ASB2: variants seen among roughly 807,000 people sequenced by gnomAD.
ASB2 encodes ankyrin repeat and SOCS box protein 2.
A neutral mutation model predicts 62.4 loss-of-function variants in ASB2; 58 were observed. The ratio of observed to expected loss-of-function variants is 0.93; its 90% confidence interval spans 0.75 to 1.16. The LOEUF (loss-of-function observed/expected upper bound fraction) is 1.16, where lower values mean the gene tolerates loss of function less well. ASB2 is among the 50% of genes most tolerant of loss of function. ASB2 has a pLI of 0.00. For missense variants in ASB2, 928 were observed against 887.9 expected (o/e 1.05, Z -0.57); for synonymous variants, 386 against 385.3 (o/e 1.00, Z -0.02).
intron 2 of ASB2, among the ~76,000 whole-genome samples, chr14:93,963,019 A>G (rs913781370): frequency 1.5e-4 from 23 of 152,322 alleles, no homozygotes; most frequent in Admixed American, 1.2e-3. Context: ...CGGCTGCCCA[A>G]AGTAGCTGCC....
At chr14:93,953,640 A>G (rs963122865) in intron 4 of ASB2, 133 bp from the exon 5 acceptor site, 61 of 778,654 alleles carry the variant, frequency 7.8e-5, no homozygotes, top group Admixed American at 3.6e-4. Flanking sequence ...TACAGACTGC[A>G]TTCATCTGGC....
At chr14:93,947,759 TGAG>T (rs1261238619) in intron 6 of ASB2, among the ~76,000 whole-genome samples, 1 of 151,946 alleles carries the variant, frequency 6.6e-6, no homozygotes, top group African/African-American at 2.4e-5. Flanking sequence ...TTTGGGAGGC[TGAG>T]GCAGGCGGAT....
chr14:93,968,742 G>A (rs1889668376), intron 1 of ASB2, among the ~76,000 whole-genome samples: 1 of 152,210 alleles, frequency 6.6e-6, no homozygotes. Context: ...TGGACTACCT[G>A]CTAGAGGCCT....
intron 6 of ASB2, 142 bp from the exon 7 acceptor site, chr14:93,947,662 T>A: frequency 1.3e-6 from 1 of 794,932 alleles, no homozygotes; most frequent in South Asian, 1.7e-5. Context: ...GAAGGAGGAG[T>A]CTACCTGGGG....
At position 93,953,509 on chromosome 14, in the gene ASB2, T is replaced by G; in HGVS notation, c.479-2A>C. On this transcript the variant is annotated splice_acceptor_variant, in intron 4 of 9. Coordinates refer to ENST00000555019, the MANE Select transcript of ASB2 (RefSeq NM_001202429.2). LOFTEE classifies it high-confidence loss of function. The stretch of plus-strand genomic sequence containing the variant: ...GCTGGTCGATGGTCCCTGGGTACGC[T>G]AGGGAGGGCCCACCGGGAAATTCAT... 1 of 1,569,484 alleles carries G rather than the reference T, an allele frequency of 6.4e-7. No individual in the cohort carries two copies.
intron 1 of ASB2, among the ~76,000 whole-genome samples, chr14:93,973,135 G>A (rs1161176958): frequency 6.6e-6 from 1 of 152,166 alleles, no homozygotes; most frequent in African/African-American, 2.4e-5. Context: ...TGGAGTAGGG[G>A]TGTGACTGCC....
Position 93,953,430 on chromosome 14 carries a change from C to T in ASB2, c.556G>A (p.Asp186Asn), listed in dbSNP as rs1889049050. The change falls in exon 5 of 10, where the codon GAC becomes AAC. Residue 186 changes from aspartate to asparagine, a missense_variant. Asp to Asn is a conservative substitution (Grantham distance 23). Transcript: ENST00000555019. The stretch of plus-strand genomic sequence containing the variant: ...GCTTGGAGCAGTGACAGGAGACAGT[C>T]CAGGTGGCCCCTGCACGTTGCCAAG... ...VYLATCRGHL[D>N]CLLSLLQAGA... The T allele has an allele frequency of 6.2e-7, 1 of 1,609,616 alleles. No homozygotes were observed. Among genetic ancestry groups the T allele is most frequent in the South Asian group, 1.1e-5 (1 of 90,828 alleles).
At chr14:93,945,297 C>T (rs1888681503) in intron 7 of ASB2, among the ~76,000 whole-genome samples, 1 of 152,188 alleles carries the variant, frequency 6.6e-6, no homozygotes, top group African/African-American at 2.4e-5. Flanking sequence ...CCAACTCTGA[C>T]TGATGCCCGA....
intron 7 of ASB2, among the ~76,000 whole-genome samples, chr14:93,947,066 G>A (rs906330788): frequency 6.6e-6 from 1 of 152,232 alleles, no homozygotes; most frequent in Admixed American, 6.5e-5. Flanking sequence ...TCAGTGAGCT[G>A]TTAAGCAGAT....
At chr14:93,973,680 T>TGGCCCTGCCAGAGGCTG (rs1297732561) in intron 1 of ASB2, among the ~76,000 whole-genome samples, 8 of 152,250 alleles carry the variant, frequency 5.3e-5, no homozygotes, top group Non-Finnish European at 7.3e-5. Flanking sequence ...TGCTGCCTCC[T>TGGCCCTGCCAGAGGCTG]GGCCCTGCCA....
chr14:93,939,153 C>A lies in ASB2; in HGVS notation c.1572G>T (p.Arg524Ser), dbSNP rs540542265. The A allele has an allele frequency of 6.5e-5, 102 of 1,578,560 alleles. No individual in the cohort carries two copies. The African/African-American group carries it at 1.3e-3, about 20-fold the overall frequency. The change falls in exon 8 of 10, where the codon AGG (arginine) becomes AGT (serine). Residue 524 changes from arginine to serine, a missense_variant. Transcript: ENST00000555019. ...TGTCGGCCGCGGGCGCGTCGTTGAA[C>A]CTGCTGGAGGGCTGCGGGGCCGGCG... ...PHPPAPQPSS[R>S]FNDAPAADKE... is the part of the protein sequence containing the mutation.
chr14:93,940,909 C>G (rs1217622995), intron 7 of ASB2, among the ~76,000 whole-genome samples: 1 of 152,182 alleles, frequency 6.6e-6, no homozygotes, highest in Admixed American at 6.5e-5. Context: ...GGATTTGAAC[C>G]CAGGCAGTCT....
intron 3 of ASB2, among the ~76,000 whole-genome samples, chr14:93,956,346 G>A (rs1889201069): frequency 6.6e-6 from 1 of 152,192 alleles, no homozygotes; most frequent in African/African-American, 2.4e-5. Flanking sequence ...ATGGCATGGG[G>A]GAAAGTGAGA....
At chr14:93,964,262 C>T in intron 2 of ASB2, 72 bp downstream of exon 2, 5 of 1,383,844 alleles carry the variant, frequency 3.6e-6, no homozygotes, top group South Asian at 1.2e-5. Context: ...TTTGGATTAA[C>T]AGCATTAGGG....
chr14:93,939,763 G>T, intron 7 of ASB2, 91 bp from the exon 8 acceptor site: 1 of 1,076,342 alleles, frequency 9.3e-7, no homozygotes, highest in Non-Finnish European at 1.2e-6. Flanking sequence ...TCGGGCGCCA[G>T]GCTCGGCTGG....
At chr14:93,938,441 C>T (rs1265890991) in intron 8 of ASB2, among the ~76,000 whole-genome samples, 1 of 152,010 alleles carries the variant, frequency 6.6e-6, no homozygotes, top group Non-Finnish European at 1.5e-5. Context: ...GGGGTTTCAC[C>T]GTGTTAGCCA....
chr14:93,948,711 T>A (rs1452728266), intron 6 of ASB2, among the ~76,000 whole-genome samples: 1 of 151,312 alleles, frequency 6.6e-6, no homozygotes, highest in Non-Finnish European at 1.5e-5. Flanking sequence ...GGCGGGCAGA[T>A]CACTTGAGCT....
chr14:93,969,175 A>G (rs1163904490), intron 1 of ASB2, among the ~76,000 whole-genome samples: 1 of 152,214 alleles, frequency 6.6e-6, no homozygotes, highest in Non-Finnish European at 1.5e-5. Context: ...GCTGTTAGTA[A>G]GTGTGCAATG....
In ASB2 at chr14:93,938,233, C is replaced by CTTTTTTTTT. The variant is rs35127276; in HGVS notation, c.1618-391_1618-383dup. Among the ~76,000 whole-genome samples the CTTTTTTTTT allele has an allele frequency of 5.1e-3, 344 of 67,616 alleles. 33 individuals are homozygous for CTTTTTTTTT. The highest frequency in any genetic ancestry group is 0.024 in the East Asian group (41 of 1,736). The allele number at this position is 67,616 out of a possible 152,430, so 44.4% of individuals were successfully genotyped here. A position where few individuals can be genotyped will look rare whatever the true frequency, so the allele number is the denominator to read the frequency against. ...TGTCTAACTTCCTTTTAAGTTCTGA[C>CTTTTTTTTT]TTTTTTTTTTTTTTTTTTTTTTTTT... On this transcript the variant is annotated intron_variant, in intron 8 of 9. Coordinates refer to ENST00000555019, the MANE Select transcript of ASB2 (RefSeq NM_001202429.2).
Sources: allele counts gnomAD v4.1 joint callset (sites outside exome capture counted in the v4.1 genomes callset), GRCh38; gene constraint gnomAD v4.1.1; transcripts MANE v1.5; gene names NCBI Gene and HGNC (gene_info 2026-07-23, HGNC 2026-07-21).